ZNF521: variants seen among roughly 807,000 people sequenced by gnomAD.
ZNF521 encodes the protein zinc finger protein 521, also known as LYST-interacting protein 3.
ZNF521 carries 14 observed loss-of-function variants against 105.5 expected under a neutral mutation model. That is an observed-to-expected ratio of 0.13 (90% CI 0.09 to 0.21). The LOEUF (loss-of-function observed/expected upper bound fraction) is 0.21. ZNF521 is among the 10% of genes least tolerant of loss of function. The pLI is 1.00. For synonymous variants in ZNF521, 635 were observed against 606.0 expected, an observed-to-expected ratio of 1.05 and a Z score of -0.70; for missense variants, 1,233 against 1,629.7, an observed-to-expected ratio of 0.76 and a Z score of 4.19.
chr18:25,199,923 A>AT, intron 4 of ZNF521, among the ~76,000 whole-genome samples: 1 of 152,214 alleles, frequency 6.6e-6, no homozygotes, highest in South Asian at 2.1e-4. Context: ...CATAGCTCAC[A>AT]TAATTTTATA....
At chr18:25,283,535 C>T (rs117029869) in intron 3 of ZNF521, among the ~76,000 whole-genome samples, 1 of 152,196 alleles carries the variant, frequency 6.6e-6, no homozygotes, top group African/African-American at 2.4e-5. Flanking sequence ...ACCAACTATA[C>T]CCCCTCCAAG....
chr18:25,314,743 T>A (rs1182521574), intron 3 of ZNF521, among the ~76,000 whole-genome samples: 1 of 152,256 alleles, frequency 6.6e-6, no homozygotes, highest in Non-Finnish European at 1.5e-5. Context: ...TAGTTTTTTC[T>A]GCGATTATGC....
intron 5 of ZNF521, among the ~76,000 whole-genome samples, chr18:25,167,859 T>C (rs1389032043): frequency 2.0e-5 from 3 of 152,232 alleles, no homozygotes; most frequent in Non-Finnish European, 2.9e-5. Context: ...TTTAAAGGTA[T>C]GATTCTGTGT....
chr18:25,248,601 G>A (rs1439641958), intron 3 of ZNF521, among the ~76,000 whole-genome samples: 1 of 152,060 alleles, frequency 6.6e-6, no homozygotes, highest in East Asian at 1.9e-4. Context: ...TACTTTTCTA[G>A]CTTTATTTAA....
intron 3 of ZNF521, among the ~76,000 whole-genome samples, chr18:25,317,678 A>G (rs1912715632): frequency 6.6e-6 from 1 of 152,222 alleles, no homozygotes; most frequent in Non-Finnish European, 1.5e-5. Context: ...GCATCTTACT[A>G]ATCATCTGCA....
chr18:25,288,132 G>T (rs1032856283), intron 3 of ZNF521, among the ~76,000 whole-genome samples: 3 of 152,096 alleles, frequency 2.0e-5, no homozygotes, highest in African/African-American at 7.2e-5. Flanking sequence ...AATAAACTGG[G>T]CGTGATGTGC....
intron 7 of ZNF521, among the ~76,000 whole-genome samples, chr18:25,063,030 C>T (rs138058454): frequency 6.6e-6 from 1 of 152,164 alleles, no homozygotes; most frequent in Non-Finnish European, 1.5e-5. Context: ...GGGCAGAAGC[C>T]TCCTTAATGT....
At chr18:25,300,697 C>T (rs920466648) in intron 3 of ZNF521, among the ~76,000 whole-genome samples, 6 of 151,760 alleles carry the variant, frequency 4.0e-5, no homozygotes, top group Non-Finnish European at 8.9e-5. Flanking sequence ...ACTTTTGCAC[C>T]AACCTAATAG....
chr18:25,339,850 G>C (rs558464186), intron 2 of ZNF521, among the ~76,000 whole-genome samples: 2 of 152,296 alleles, frequency 1.3e-5, no homozygotes, highest in East Asian at 3.9e-4. Context: ...CCTCTCACAA[G>C]ATGTGAGATG....
At chr18:25,351,456 G>GT (rs1914766803) in intron 1 of ZNF521, 1 of 138,268 alleles carries the variant, frequency 7.2e-6, no homozygotes, top group Admixed American at 7.2e-5. Context: ...CAACAAATCC[G>GT]CCCCCCCCCC....
chr18:25,309,721 T>TA (rs1912190206), intron 3 of ZNF521, among the ~76,000 whole-genome samples: 1 of 152,172 alleles, frequency 6.6e-6, no homozygotes, highest in Admixed American at 6.6e-5. Flanking sequence ...AAAAAGATTA[T>TA]AAAAGCATTC....
At chr18:25,146,459 A>G (rs2034945203) in intron 5 of ZNF521, among the ~76,000 whole-genome samples, 1 of 152,192 alleles carries the variant, frequency 6.6e-6, no homozygotes, top group Non-Finnish European at 1.5e-5. Flanking sequence ...GAAAACAAGC[A>G]GGGAGCCCTA....
At chr18:25,343,673 A>C (rs1026643912) in intron 2 of ZNF521, among the ~76,000 whole-genome samples, 3 of 152,220 alleles carry the variant, frequency 2.0e-5, no homozygotes, top group Non-Finnish European at 2.9e-5. Context: ...TTATTTAAAA[A>C]TAAGATTCAA....
intron 2 of ZNF521, among the ~76,000 whole-genome samples, chr18:25,337,711 T>A (rs929874391): frequency 1.3e-5 from 2 of 152,172 alleles, no homozygotes; most frequent in Non-Finnish European, 2.9e-5. Flanking sequence ...CGGTATCCAT[T>A]AAAATTTTAA....
At chr18:25,168,426 T>C (rs1205865980) in intron 5 of ZNF521, among the ~76,000 whole-genome samples, 1 of 152,152 alleles carries the variant, frequency 6.6e-6, no homozygotes, top group Non-Finnish European at 1.5e-5. Context: ...CCTCTACTGC[T>C]AGATAATCAA....
intron 3 of ZNF521, among the ~76,000 whole-genome samples, chr18:25,303,824 T>G (rs946586247): frequency 6.6e-6 from 1 of 152,188 alleles, no homozygotes; most frequent in Admixed American, 6.5e-5. Flanking sequence ...ACAAAGATAT[T>G]TGGTTAACTA....
In ZNF521 at chr18:25,227,471, G is replaced by A; in HGVS notation, c.447C>T (p.Thr149=). 1 of 1,614,094 alleles carries A rather than the reference G, an allele frequency of 6.2e-7. No individual in the cohort carries two copies. Among genetic ancestry groups the A allele is most frequent in the Non-Finnish European group, 8.5e-7 (1 of 1,180,010 alleles). ...SHSDKLPFKC[T]YCSRLFKHKR... is the part of the protein sequence containing the mutation. ...TGTGTTTGAACAGCCTACTGCAGTAGGTGCATTTGAAAGGCAGTTTGTCAC... is the reference window on the plus strand; with the variant it reads ...TGTGTTTGAACAGCCTACTGCAGTAAGTGCATTTGAAAGGCAGTTTGTCAC... Residue 149 remains threonine (T), a synonymous_variant, in exon 4 of 8, where the codon ACC becomes ACT. Transcript: ENST00000361524. This position sits in a 1 kb window ranked among gnomAD's most constrained non-coding sequence, Gnocchi z 5.7.
At chr18:25,241,231 G>A (rs1345945293) in intron 3 of ZNF521, among the ~76,000 whole-genome samples, 5 of 152,114 alleles carry the variant, frequency 3.3e-5, no homozygotes, top group Non-Finnish European at 2.9e-5. Context: ...TGGAATCCTC[G>A]TCCAAACGGT....
chr18:25,249,014 C>A (rs1168209108), intron 3 of ZNF521, among the ~76,000 whole-genome samples: 1 of 152,156 alleles, frequency 6.6e-6, no homozygotes, highest in African/African-American at 2.4e-5. Flanking sequence ...GCTCACAGAA[C>A]CTCAAATATT....
Sources: allele counts gnomAD v4.1 joint callset (sites outside exome capture counted in the v4.1 genomes callset), GRCh38; gene constraint gnomAD v4.1.1; non-coding constraint Gnocchi (gnomAD v3.1); transcripts MANE v1.5; gene names NCBI Gene and HGNC (gene_info 2026-07-23, HGNC 2026-07-21).